The following OR2C1 variants were observed in gnomAD, a reference collection of about 807,000 sequenced individuals.
The protein encoded by OR2C1 is olfactory receptor family 2 subfamily C member 1.
For missense variants in OR2C1, 468 were observed against 388.3 expected (o/e 1.21, Z -1.73); for synonymous variants, 209 against 167.3 (o/e 1.25, Z -1.92).
Position 3,356,279 on chromosome 16 carries a change from C to T in OR2C1, c.339C>T (p.Ile113=). 2 of 1,613,826 alleles carry T rather than the reference C, an allele frequency of 1.2e-6. No homozygotes were observed. The highest frequency in any genetic ancestry group is 1.7e-6 in the Non-Finnish European group (2 of 1,180,004). ...VFLWLGATEC[I]LLVVMAFDRY... is the part of the protein sequence containing the mutation. Reference sequence around the variant, plus strand: ...TTTGGCTGGGGGCCACCGAGTGCATCCTGCTGGTGGTGATGGCATTTGACC... The same window carrying T: ...TTTGGCTGGGGGCCACCGAGTGCATTCTGCTGGTGGTGATGGCATTTGACC... The change falls in exon 1 of 1, where the codon ATC becomes ATT. Residue 113 remains isoleucine (I), a synonymous_variant. Coordinates refer to ENST00000304936, the MANE Select transcript of OR2C1 (RefSeq NM_012368.3).
chr16:3,349,004 G>A, the OR2C1 span, among the ~76,000 whole-genome samples: 9 of 151,894 alleles, frequency 5.9e-5, no homozygotes, highest in Admixed American at 1.3e-4. Flanking sequence ...GCATAGGATG[G>A]CCATCACAGG....
chr16:3,355,401 T>C (rs2030645129), upstream of OR2C1, among the ~76,000 whole-genome samples: 1 of 134,396 alleles, frequency 7.4e-6, no homozygotes, highest in Admixed American at 8.9e-5. Flanking sequence ...GAAGTTGCAA[T>C]GAGCCGAGAT....
upstream of OR2C1, among the ~76,000 whole-genome samples, chr16:3,355,493 A>G (rs2030649676): frequency 8.2e-6 from 1 of 122,330 alleles, no homozygotes; most frequent in East Asian, 2.5e-4. Flanking sequence ...TTAAAAAGTA[A>G]GTTGGAGTCC....
At chr16:3,332,221 TATA>T in the OR2C1 span, among the ~76,000 whole-genome samples, 4 of 151,778 alleles carry the variant, frequency 2.6e-5, no homozygotes, top group Non-Finnish European at 4.4e-5. Flanking sequence ...AAACTTAAAG[TATA>T]ATAATAATCA....
At chr16:3,326,455 A>G in the OR2C1 span, among the ~76,000 whole-genome samples, 1 of 152,162 alleles carries the variant, frequency 6.6e-6, no homozygotes, top group African/African-American at 2.4e-5. Flanking sequence ...TCACACCTCT[A>G]TTGCAGTTTT....
the OR2C1 span, among the ~76,000 whole-genome samples, chr16:3,334,196 G>A: frequency 6.7e-6 from 1 of 150,372 alleles, no homozygotes; most frequent in Non-Finnish European, 1.5e-5. Context: ...GAAGTGCAGT[G>A]GTGCAACTTC....
chr16:3,354,133 G>A (rs1438897137), upstream of OR2C1, among the ~76,000 whole-genome samples: 4 of 152,016 alleles, frequency 2.6e-5, no homozygotes, highest in South Asian at 2.1e-4. Context: ...GCAGGCGCCC[G>A]CCACCATGCC....
the OR2C1 span, among the ~76,000 whole-genome samples, chr16:3,336,707 TCTTTC>T: frequency 3.0e-5 from 2 of 66,688 alleles, no homozygotes; most frequent in African/African-American, 1.1e-4. Flanking sequence ...TTTCTTTCTT[TCTTTC>T]TTTTTTTTTT....
chr16:3,348,115 CAAAAT>C, the OR2C1 span, among the ~76,000 whole-genome samples: 1 of 152,102 alleles, frequency 6.6e-6, no homozygotes, highest in Non-Finnish European at 1.5e-5. Flanking sequence ...TGCACAGACA[CAAAAT>C]AACACTATAT....
At chr16:3,325,528 A>T in the OR2C1 span, among the ~76,000 whole-genome samples, 1 of 148,062 alleles carries the variant, frequency 6.8e-6, no homozygotes, top group East Asian at 2.0e-4. Flanking sequence ...ACTGGCATGG[A>T]GATATGAAGT....
the OR2C1 span, chr16:3,323,041 CT>C: frequency 1.2e-3 from 629 of 527,066 alleles, no homozygotes; most frequent in Non-Finnish European, 1.4e-3. Flanking sequence ...AAGCTACTGT[CT>C]TTTTTTTTAA....
chr16:3,329,823 C>A, the OR2C1 span, among the ~76,000 whole-genome samples: 1 of 133,146 alleles, frequency 7.5e-6, no homozygotes, highest in African/African-American at 2.9e-5. Flanking sequence ...GGCGCAATCT[C>A]AGCTCACTGT....
chr16:3,356,964 T>C lies in OR2C1; in HGVS notation c.*85T>C. ...TCTCTGGCCAGGTGAACATGAGGAA[T>C]ACTAATTCCGGTAAAACCAAGGCAT... On this transcript the variant is annotated 3_prime_UTR_variant, in exon 1 of 1. Transcript: ENST00000304936. 8.3e-7 allele frequency: 1 copy of C among 1,206,944 alleles called. No individual in the cohort carries two copies. Among genetic ancestry groups the C allele is most frequent in the Non-Finnish European group, 1.1e-6 (1 of 874,248 alleles). 74.8% of individuals were successfully genotyped at this position (1,206,944 alleles called of 1,614,324 possible). A position where few individuals can be genotyped will look rare whatever the true frequency, so the allele number is the denominator to read the frequency against.
chr16:3,351,841 G>A (rs544736704), upstream of OR2C1, among the ~76,000 whole-genome samples: 2 of 149,724 alleles, frequency 1.3e-5, no homozygotes, highest in African/African-American at 4.9e-5. Flanking sequence ...CTAAATTTGT[G>A]CTGTTGAATT....
the OR2C1 span, among the ~76,000 whole-genome samples, chr16:3,329,075 G>A: frequency 2.7e-5 from 4 of 150,488 alleles, no homozygotes; most frequent in Non-Finnish European, 4.4e-5. Flanking sequence ...GCTCACTGAC[G>A]GAGCCAAAGG....
In OR2C1 at chr16:3,355,972, G is replaced by A. The variant is rs752064501; in HGVS notation, c.32G>A (p.Gly11Asp). 2 of 1,613,280 alleles carry A rather than the reference G, an allele frequency of 1.2e-6. No homozygotes were observed. Among genetic ancestry groups the A allele is most frequent in the Non-Finnish European group, 1.7e-6 (2 of 1,179,470 alleles). Residue 11 changes from glycine to aspartate, a missense_variant, in exon 1 of 1, where the codon GGC (glycine) becomes GAC (aspartate). Transcript: ENST00000304936. ...GGGGTGAATGATAGCTCCTTGCAGG[G>A]CTTTGTTCTGATGGGCATATCAGAC... MDGVNDSSLQ[G>D]FVLMGISDHP...
chr16:3,338,358 G>C, the OR2C1 span, among the ~76,000 whole-genome samples: 1 of 152,094 alleles, frequency 6.6e-6, no homozygotes. Flanking sequence ...CCAAGATGGT[G>C]AGGAAGCTGG....
the OR2C1 span, among the ~76,000 whole-genome samples, chr16:3,342,620 C>T: frequency 6.6e-6 from 1 of 152,098 alleles, no homozygotes; most frequent in African/African-American, 2.4e-5. Context: ...TGACTCACGC[C>T]CGTAATGCTA....
upstream of OR2C1, among the ~76,000 whole-genome samples, chr16:3,353,534 C>G (rs116490490): frequency 9.1e-3 from 1,339 of 146,780 alleles, 24 homozygotes; most frequent in African/African-American, 0.031. Context: ...GGAATGGTAG[C>G]TCATGCTTGT....
Sources: allele counts gnomAD v4.1 joint callset (sites outside exome capture counted in the v4.1 genomes callset), GRCh38; gene constraint gnomAD v4.1.1; transcripts MANE v1.5; gene names NCBI Gene and HGNC (gene_info 2026-07-23, HGNC 2026-07-21).